C12orf56: variants seen among roughly 807,000 people sequenced by gnomAD.
The protein encoded by C12orf56 is uncharacterized protein C12orf56.
In C12orf56, 71 loss-of-function variants were observed where a neutral mutation model predicts 69.9. The ratio of observed to expected loss-of-function variants is 1.02; its 90% CI spans 0.84 to 1.24. The LOEUF is 1.24. Among genes scored for constraint, C12orf56 ranks in the 50% most tolerant of loss-of-function variants. C12orf56 has a pLI of 0.00. For missense variants in C12orf56, 732 were observed against 738.5 expected (o/e 0.99, Z 0.10); for synonymous variants, 276 against 274.1 (o/e 1.01, Z -0.07).
At chr12:64,388,684 G>A (rs1051772379) in intron 1 of C12orf56, among the ~76,000 whole-genome samples, 2 of 152,170 alleles carry the variant, frequency 1.3e-5, no homozygotes, top group Admixed American at 1.3e-4. Context: ...GCAAGATCCT[G>A]TCTCTACAAA....
intron 2 of C12orf56, among the ~76,000 whole-genome samples, chr12:64,333,509 T>A (rs1007918546): frequency 3.0e-4 from 46 of 152,234 alleles, no homozygotes; most frequent in East Asian, 5.8e-4. Context: ...TTATTTATTT[T>A]TTTATTTTTT....
chr12:64,362,658 C>T (rs899045917), intron 1 of C12orf56, among the ~76,000 whole-genome samples: 2 of 152,056 alleles, frequency 1.3e-5, no homozygotes, highest in African/African-American at 4.8e-5. Context: ...CGCCATTGCA[C>T]TCCAGCCTGG....
rs2038196746 is a variant in C12orf56, at chr12:64,286,021, C to T, written c.1153G>A (p.Glu385Lys). ...TTATCCCTAGACTCCGGCAAGTACT[C>T]ATGAAGTTTGTTTACTATGAAATAG... ...LFYFIVNKLH[E>K]YLPESRDKNA... The change falls in exon 7 of 13, where the codon GAG (glutamate) becomes AAG (lysine). Residue 385 changes from glutamate to lysine, a missense_variant. By Grantham distance (56) the Glu-to-Lys change is moderately conservative. Transcript: ENST00000543942. 6.2e-7 allele frequency: 1 copy of T among 1,610,460 alleles called. No homozygotes were observed. Among genetic ancestry groups the T allele is most frequent in the African/African-American group, 1.3e-5 (1 of 74,866 alleles).
intron 2 of C12orf56, among the ~76,000 whole-genome samples, chr12:64,332,029 G>T (rs1167434105): frequency 6.6e-6 from 1 of 152,008 alleles, no homozygotes; most frequent in African/African-American, 2.4e-5. Flanking sequence ...CCCTGGCCAG[G>T]TGCGGTGACT....
intron 2 of C12orf56, chr12:64,352,490 G>A (rs1463220537): frequency 6.5e-6 from 1 of 154,364 alleles, no homozygotes; most frequent in African/African-American, 2.4e-5. Flanking sequence ...AGACGCAGGA[G>A]GAAGATAAGG....
intron 5 of C12orf56, among the ~76,000 whole-genome samples, chr12:64,307,299 T>A (rs1488791754): frequency 6.6e-6 from 1 of 152,086 alleles, no homozygotes; most frequent in East Asian, 1.9e-4. Context: ...AAATGAATAC[T>A]TTCTTACAAA....
At chr12:64,309,120 A>T (rs1317176357) in intron 5 of C12orf56, among the ~76,000 whole-genome samples, 1 of 152,206 alleles carries the variant, frequency 6.6e-6, no homozygotes, top group East Asian at 1.9e-4. Flanking sequence ...TTTTAAAAAA[A>T]TTGAACTAAA....
In C12orf56 at chr12:64,270,505, C is replaced by G. The variant is rs978762209; in HGVS notation, c.1763+31G>C. 2.1e-6 allele frequency: 3 copies of G among 1,456,498 alleles called. No homozygotes were observed. The African/African-American group carries it at 4.3e-5, about 21-fold the overall frequency. 90.2% of individuals were successfully genotyped at this position (1,456,498 alleles called of 1,614,324 possible). A position where few individuals can be genotyped will look rare whatever the true frequency, so the allele number is the denominator to read the frequency against. The stretch of plus-strand genomic sequence containing the variant: ...GAACTCAGAAATGAGTGAAATCTTA[C>G]TGCAGATTAGATTCAGACATTTTTT... On this transcript the variant is annotated intron_variant, in intron 12 of 12. Transcript: ENST00000543942.
intron 1 of C12orf56, among the ~76,000 whole-genome samples, chr12:64,355,374 G>C (rs754516970): frequency 3.9e-5 from 6 of 152,052 alleles, no homozygotes; most frequent in Non-Finnish European, 5.9e-5. Context: ...ATTTGTACCT[G>C]AAATCACCAC....
intron 1 of C12orf56, among the ~76,000 whole-genome samples, chr12:64,372,557 C>T (rs2039585785): frequency 2.0e-5 from 3 of 152,122 alleles, no homozygotes; most frequent in Non-Finnish European, 4.4e-5. Context: ...CTCTGTTGTC[C>T]AGGCTGGAGT....
At chr12:64,360,121 C>T (rs1183325647) in intron 1 of C12orf56, among the ~76,000 whole-genome samples, 1 of 151,934 alleles carries the variant, frequency 6.6e-6, no homozygotes, top group African/African-American at 2.4e-5. Context: ...ACATCAGAGA[C>T]ATTTTTACAA....
chr12:64,390,257 C>T (rs2039849228), intron 1 of C12orf56, 57 bp downstream of exon 1: 1 of 1,523,812 alleles, frequency 6.6e-7, no homozygotes, highest in Non-Finnish European at 8.8e-7. Flanking sequence ...GTTTGGGGGC[C>T]CCAGCCGGGA....
rs536409857 is a variant in C12orf56, at chr12:64,356,150, C to T, written c.253-3094G>A. Among the ~76,000 whole-genome samples, 7 of 134,912 alleles carry T rather than the reference C, an allele frequency of 5.2e-5. No individual in the cohort carries two copies. The Admixed American group carries it at 5.5e-4, about 11-fold the overall frequency. 88.5% of individuals were successfully genotyped at this position (134,912 alleles called of 152,430 possible). ...TTGCACTTCAGCCTGGGCCTGTTGC[C>T]CAGGAGCAAGACTCCATCTCAAAAA... On this transcript the variant is annotated intron_variant, in intron 1 of 12. Transcript: ENST00000543942.
At chr12:64,315,285 C>A (rs1413530144) in intron 4 of C12orf56, among the ~76,000 whole-genome samples, 1 of 144,182 alleles carries the variant, frequency 6.9e-6, no homozygotes, top group East Asian at 2.1e-4. Flanking sequence ...CTTTTTCTTA[C>A]TACTTTTGTC....
At chr12:64,299,057 C>G (rs1298099452) in intron 6 of C12orf56, among the ~76,000 whole-genome samples, 1 of 152,088 alleles carries the variant, frequency 6.6e-6, no homozygotes, top group Non-Finnish European at 1.5e-5. Context: ...CCCTTATTTC[C>G]TTGAGCAGTG....
At chr12:64,367,591 T>A (rs1159412148) in intron 1 of C12orf56, among the ~76,000 whole-genome samples, 1 of 150,974 alleles carries the variant, frequency 6.6e-6, no homozygotes, top group Non-Finnish European at 1.5e-5. Context: ...CTGCAACCTT[T>A]GCCTCCTGGG....
At chr12:64,284,533 CAA>C (rs1592418274) in intron 8 of C12orf56, 129 bp downstream of exon 8, 1 of 583,160 alleles carries the variant, frequency 1.7e-6, no homozygotes, top group South Asian at 3.3e-5. Flanking sequence ...AGGAGAAAAA[CAA>C]AAGAGTGAAA....
intron 5 of C12orf56, among the ~76,000 whole-genome samples, chr12:64,305,005 A>G (rs868110108): frequency 1.3e-4 from 20 of 152,192 alleles, no homozygotes; most frequent in Admixed American, 3.3e-4. Flanking sequence ...CGTTTATCCC[A>G]ATACTAGCTA....
At chr12:64,342,993 T>C (rs889358185) in intron 2 of C12orf56, among the ~76,000 whole-genome samples, 2 of 152,188 alleles carry the variant, frequency 1.3e-5, no homozygotes, top group Non-Finnish European at 2.9e-5. Flanking sequence ...TCTCCTGTTC[T>C]GGACCCCACT....
Sources: allele counts gnomAD v4.1 joint callset (sites outside exome capture counted in the v4.1 genomes callset), GRCh38; gene constraint gnomAD v4.1.1; transcripts MANE v1.5; gene names NCBI Gene and HGNC (gene_info 2026-07-23, HGNC 2026-07-21).